The following ABCB11 variants were observed in gnomAD, a reference collection of about 807,000 sequenced individuals.
ABCB11 encodes bile salt export pump.
A neutral mutation model predicts 148.0 loss-of-function variants in ABCB11; 95 were observed. That is an observed-to-expected ratio of 0.64 (90% CI 0.54 to 0.76). The LOEUF is 0.76. Among genes scored for constraint, ABCB11 ranks in the 30% least tolerant of loss-of-function variants. ABCB11 has a pLI of 0.00. For synonymous variants in ABCB11, 591 were observed against 555.4 expected, an observed-to-expected ratio of 1.06 and a Z score of -0.90; for missense variants, 1,523 against 1,617.8, an observed-to-expected ratio of 0.94 and a Z score of 1.01.
intron 1 of ABCB11, among the ~76,000 whole-genome samples, chr2:169,021,476 T>C (rs1695537454): frequency 1.3e-5 from 2 of 152,080 alleles, no homozygotes; most frequent in African/African-American, 2.4e-5. Context: ...GACAAATCAA[T>C]TATTGGATTG....
chr2:168,918,660 C>T (rs752667392), downstream of ABCB11, among the ~76,000 whole-genome samples: 1 of 152,072 alleles, frequency 6.6e-6, no homozygotes, highest in African/African-American at 2.4e-5. Context: ...ATATATGTAC[C>T]GAAACTTATT....
chr2:169,013,383 T>G lies in ABCB11; in HGVS notation c.278A>C (p.Tyr93Ser), dbSNP rs1185733805. 1.9e-6 allele frequency: 3 copies of G among 1,613,736 alleles called. No individual in the cohort carries two copies. Among genetic ancestry groups the G allele is most frequent in the Non-Finnish European group, 1.7e-6 (2 of 1,179,804 alleles). ...CTGGAGTTCTTGTAACTCAACGTCG[T>G]AGTCAATAAAAACATCTGTCATTGT... is the stretch of plus-strand genomic sequence containing the variant. ...FGTMTDVFID[Y>S]DVELQELQIP... The change falls in exon 5 of 28, where the codon TAC (tyrosine) becomes TCC (serine). Residue 93 changes from tyrosine (Y) to serine (S), a missense_variant. Coordinates refer to ENST00000650372, the MANE Select transcript of ABCB11 (RefSeq NM_003742.4).
intron 15 of ABCB11, 70 bp downstream of exon 15, chr2:168,969,974 GA>G: frequency 1.5e-6 from 2 of 1,298,874 alleles, no homozygotes; most frequent in Non-Finnish European, 2.2e-6. Context: ...ACCCCACAAG[GA>G]GCTGCCTTTC....
chr2:168,932,459 G>A lies in ABCB11; in HGVS notation c.3131C>T (p.Ala1044Val). ...AFSYTPSYAK[A>V]KISAARFFQL... ...AAAAAAGCGTGCAGCTGATATTTTA[G>A]CTTTTGCATAACTTGGGGTGTAAGA... is the stretch of plus-strand genomic sequence containing the variant. Residue 1044 changes from alanine to valine, a missense_variant, in exon 24 of 28, where the codon GCT (alanine) becomes GTT (valine). By Grantham distance (64) the Ala-to-Val change is moderately conservative. Coordinates refer to ENST00000650372, the MANE Select transcript of ABCB11 (RefSeq NM_003742.4). The A allele has an allele frequency of 1.2e-6, 2 of 1,612,890 alleles. No homozygotes were observed. The highest frequency in any genetic ancestry group is 1.7e-6 in the Non-Finnish European group (2 of 1,179,456).
At chr2:169,000,319 A>ATCAAATT (rs1203456578) in intron 5 of ABCB11, among the ~76,000 whole-genome samples, 1 of 152,102 alleles carries the variant, frequency 6.6e-6, no homozygotes, top group Admixed American at 6.6e-5. Context: ...AGTCCAATTT[A>ATCAAATT]TCAAATTTTC....
At chr2:168,969,687 T>G in intron 15 of ABCB11, 136 bp from the exon 16 acceptor site, 1 of 813,706 alleles carries the variant, frequency 1.2e-6, no homozygotes, top group South Asian at 1.9e-5. Flanking sequence ...GTGCAGACAT[T>G]AGAAAAGGCC....
At chr2:168,920,307 C>G (rs538451147), downstream of ABCB11, among the ~76,000 whole-genome samples, 6 of 152,206 alleles carry the variant, frequency 3.9e-5, no homozygotes, top group African/African-American at 1.4e-4. Flanking sequence ...ATTGGGTGAA[C>G]TCTTTCAGCT....
At chr2:168,946,112 A>C (rs1692293636) in intron 19 of ABCB11, among the ~76,000 whole-genome samples, 1 of 151,918 alleles carries the variant, frequency 6.6e-6, no homozygotes, top group Non-Finnish European at 1.5e-5. Flanking sequence ...CCTTGTGGTG[A>C]AATGGATTTT....
chr2:168,923,237 T>G lies in ABCB11; in HGVS notation c.*385A>C. On this transcript the variant is annotated 3_prime_UTR_variant, in exon 28 of 28. Coordinates refer to ENST00000650372, the MANE Select transcript of ABCB11 (RefSeq NM_003742.4). Reference sequence around the variant, plus strand: ...TCTGTGTACACCGAGGGTTCAAAAATGAAAGACAGTTCTCTGCCCTTGAGG... The same window carrying G: ...TCTGTGTACACCGAGGGTTCAAAAAGGAAAGACAGTTCTCTGCCCTTGAGG... 1 of 224,660 alleles carries G rather than the reference T, an allele frequency of 4.5e-6. No individual in the cohort carries two copies. Among genetic ancestry groups the G allele is most frequent in the South Asian group, 1.0e-4 (1 of 10,050 alleles). 13.9% of individuals were successfully genotyped at this position (224,660 alleles called of 1,614,324 possible).
At chr2:168,974,942 T>C (rs898445949) in intron 12 of ABCB11, among the ~76,000 whole-genome samples, 1 of 148,882 alleles carries the variant, frequency 6.7e-6, no homozygotes, top group African/African-American at 2.4e-5. Context: ...GTTTTATATA[T>C]TTATGTATAT....
At position 168,924,818 on chromosome 2, in the gene ABCB11, G is replaced by A; in HGVS notation, c.3619-15C>T. 1 of 1,609,030 alleles carries A rather than the reference G, an allele frequency of 6.2e-7. No homozygotes were observed. The highest frequency in any genetic ancestry group is 8.5e-7 in the Non-Finnish European group (1 of 1,176,768). Reference sequence around the variant, plus strand: ...GTTTCATATTTCTGAAAAAAAGTATGATAAGTTTGAGAAATAGAAACAGTT... The same window carrying A: ...GTTTCATATTTCTGAAAAAAAGTATAATAAGTTTGAGAAATAGAAACAGTT... On this transcript the variant is annotated splice_polypyrimidine_tract_variant and intron_variant, in intron 26 of 27. Transcript: ENST00000650372.
At chr2:168,939,439 G>T (rs1056120799) in intron 21 of ABCB11, among the ~76,000 whole-genome samples, 1 of 151,884 alleles carries the variant, frequency 6.6e-6, no homozygotes, top group East Asian at 1.9e-4. Context: ...CATGAATATC[G>T]TTCATGATGG....
At chr2:168,999,898 A>C (rs1573961533) in intron 5 of ABCB11, among the ~76,000 whole-genome samples, 1 of 152,094 alleles carries the variant, frequency 6.6e-6, no homozygotes, top group Non-Finnish European at 1.5e-5. Flanking sequence ...TTAATTACTA[A>C]ACTGTTTTCC....
At chr2:168,958,158 T>A (rs372339008) in intron 18 of ABCB11, 30 bp from the exon 19 acceptor site, 2 of 1,597,434 alleles carry the variant, frequency 1.3e-6, no homozygotes, top group East Asian at 4.5e-5. Context: ...ATATTAATCA[T>A]CTAAATGTAC....
rs373201488 is a variant in ABCB11, at chr2:168,930,843, A to G, written c.3233T>C (p.Ile1078Thr). Residue 1078 changes from isoleucine (I) to threonine (T), a missense_variant, in exon 25 of 28, where the codon ATT becomes ACT. Ile to Thr is a moderately conservative substitution (Grantham distance 89). Transcript: ENST00000650372. ...GEKWDNFQGKIDFVDCKFTYP... is the reference protein window; with the variant it reads ...GEKWDNFQGKTDFVDCKFTYP... ...TGTAAATTTACAATCAACAAAATCA[A>G]TCTTCCCCTGGAAGTTGTCCTGTGG... 2.5e-6 allele frequency: 4 copies of G among 1,603,264 alleles called. No individual in the cohort carries two copies. The highest frequency in any genetic ancestry group is 2.2e-5 in the South Asian group (2 of 89,020).
chr2:168,974,291 C>T (rs954905309), intron 12 of ABCB11, among the ~76,000 whole-genome samples: 7 of 151,898 alleles, frequency 4.6e-5, no homozygotes, highest in Non-Finnish European at 1.0e-4. Context: ...TTAAGCCGTC[C>T]GTCATGTGTA....
intron 24 of ABCB11, among the ~76,000 whole-genome samples, chr2:168,932,160 C>T (rs556921760): frequency 7.6e-4 from 115 of 152,154 alleles, no homozygotes; most frequent in Admixed American, 2.4e-3. Context: ...TCCCCTACCC[C>T]ACACCATCCC....
chr2:168,988,459 A>G (rs1694402373), intron 9 of ABCB11, among the ~76,000 whole-genome samples: 1 of 152,114 alleles, frequency 6.6e-6, no homozygotes, highest in South Asian at 2.1e-4. Flanking sequence ...GCTGAATAGT[A>G]TTCTATTGAA....
chr2:168,935,257 C>A lies in ABCB11; in HGVS notation c.2983G>T (p.Ala995Ser). 1 of 1,613,942 alleles carries A rather than the reference C, an allele frequency of 6.2e-7. No homozygotes were observed. Among genetic ancestry groups the A allele is most frequent in the Non-Finnish European group, 8.5e-7 (1 of 1,179,884 alleles). ...FAFAQCIMFI[A>S]NSASYRYGGY... is the part of the protein sequence containing the mutation. ...CCATATCTGTAGGAAGCAGAATTCG[C>A]AATAAACATGATGCACTGGGCAAAG... is the stretch of plus-strand genomic sequence containing the variant. The change falls in exon 23 of 28, where the codon GCG (alanine) becomes TCG (serine). Residue 995 changes from alanine (A) to serine (S), a missense_variant. Coordinates refer to ENST00000650372, the MANE Select transcript of ABCB11 (RefSeq NM_003742.4).
Sources: allele counts gnomAD v4.1 joint callset (sites outside exome capture counted in the v4.1 genomes callset), GRCh38; gene constraint gnomAD v4.1.1; transcripts MANE v1.5; gene names NCBI Gene and HGNC (gene_info 2026-07-23, HGNC 2026-07-21).